The following HFM1 variants were observed in gnomAD, a reference collection of about 807,000 sequenced individuals.
The protein encoded by HFM1 is helicase for meiosis 1.
In HFM1, 169 loss-of-function variants were observed where a neutral mutation model predicts 192.1. The ratio of observed to expected loss-of-function variants is 0.88; its 90% CI spans 0.78 to 1.00. The LOEUF is 1.00. Ranked by LOEUF, HFM1 falls within the 50% of genes least tolerant of loss-of-function variation. HFM1 has a pLI of 0.00. For missense variants in HFM1, 1,661 were observed against 1,668.0 expected, an observed-to-expected ratio of 1.00 and a Z score of 0.07; for synonymous variants, 525 against 537.8, an observed-to-expected ratio of 0.98 and a Z score of 0.33.
intron 4 of HFM1, among the ~76,000 whole-genome samples, chr1:91,389,025 A>G (rs1283226216): frequency 6.6e-6 from 1 of 152,174 alleles, no homozygotes; most frequent in African/African-American, 2.4e-5. Context: ...AATGGCTGAT[A>G]ATCACATGAA....
intron 7 of HFM1, 131 bp from the exon 8 acceptor site, chr1:91,380,367 A>T: frequency 1.8e-6 from 1 of 554,298 alleles, no homozygotes; most frequent in Non-Finnish European, 3.0e-6. Flanking sequence ...AAAGTTATAA[A>T]AATTGTAACT....
intron 30 of HFM1, among the ~76,000 whole-genome samples, chr1:91,294,859 T>C (rs1239242387): frequency 6.6e-6 from 1 of 152,194 alleles, no homozygotes; most frequent in African/African-American, 2.4e-5. Context: ...ATCTGGTATA[T>C]ACCTAGAAGC....
chr1:91,325,572 A>G (rs1376327471), intron 20 of HFM1, among the ~76,000 whole-genome samples: 1 of 152,208 alleles, frequency 6.6e-6, no homozygotes, highest in Non-Finnish European at 1.5e-5. Context: ...TAGGTCTACG[A>G]ATCTGCAAAA....
intron 30 of HFM1, among the ~76,000 whole-genome samples, chr1:91,285,272 T>TCAA (rs1162310164): frequency 1.3e-5 from 2 of 152,198 alleles, no homozygotes; most frequent in East Asian, 3.8e-4. Flanking sequence ...TTTCATTATT[T>TCAA]TATATTCCCT....
intron 13 of HFM1, among the ~76,000 whole-genome samples, chr1:91,372,436 A>G (rs1660353287): frequency 6.6e-6 from 1 of 152,228 alleles, no homozygotes; most frequent in South Asian, 2.1e-4. Flanking sequence ...TGTCCTTTGT[A>G]GGGACATGGA....
chr1:91,273,414 G>C (rs977505699), intron 34 of HFM1, among the ~76,000 whole-genome samples: 18 of 151,976 alleles, frequency 1.2e-4, no homozygotes, highest in African/African-American at 4.3e-4. Flanking sequence ...CATTCAGTAT[G>C]TTAATACTCT....
At chr1:91,377,707 TA>T (rs1661065789) in intron 11 of HFM1, 1 of 310,978 alleles carries the variant, frequency 3.2e-6, no homozygotes, top group African/African-American at 2.2e-5. Flanking sequence ...GCTATACAAT[TA>T]GAGTCAGCTA....
chr1:91,405,316 T>C (rs1664749481), upstream of HFM1, among the ~76,000 whole-genome samples: 1 of 152,218 alleles, frequency 6.6e-6, no homozygotes, highest in African/African-American at 2.4e-5. Context: ...AACATGAATT[T>C]ATAAAAACAG....
chr1:91,347,478 T>C lies in HFM1; in HGVS notation c.2207-2A>G. On this transcript the variant is annotated splice_acceptor_variant, in intron 18 of 38. Coordinates refer to ENST00000370425, the MANE Select transcript of HFM1 (RefSeq NM_001017975.6). LOFTEE classifies it high-confidence loss of function. The stretch of plus-strand genomic sequence containing the variant: ...CTTTGTTCAATCCAGATGCAAAACC[T>C]GCATGTCATGAAAAAGTAAAATAGA... The C allele has an allele frequency of 1.3e-5, 21 of 1,583,116 alleles. No individual in the cohort carries two copies. Among genetic ancestry groups the C allele is most frequent in the Non-Finnish European group, 1.8e-5 (21 of 1,162,368 alleles).
rs529255463 is a variant in HFM1 at position 91,394,695 on chromosome 1, T to C, written c.185-293A>G. Among the ~76,000 whole-genome samples, 17 of 152,192 alleles carry C rather than the reference T, an allele frequency of 1.1e-4. No individual in the cohort carries two copies. In the South Asian group the frequency reaches 3.5e-3, roughly 32 times the overall value. On this transcript the variant is annotated intron_variant, in intron 3 of 38. Transcript: ENST00000370425. ...ATAGATTTAATTTCTTTCTGACCCA[T>C]AACAAATGATATAATTATACAATTA...
chr1:91,370,585 G>A lies in HFM1; in HGVS notation c.1685+4773C>T, dbSNP rs540482359. Among the ~76,000 whole-genome samples, 355 of 152,200 alleles carry A rather than the reference G, an allele frequency of 2.3e-3. 2 individuals are homozygous for A. The Middle Eastern group carries it at 0.024, about 10-fold the overall frequency. ...TCAATAAATTAGGTATTGATTGGAT[G>A]TATCTCAAAATAATAAGAGCTATCT... On this transcript the variant is annotated intron_variant, in intron 13 of 38. Coordinates refer to ENST00000370425, the MANE Select transcript of HFM1 (RefSeq NM_001017975.6).
At chr1:91,291,851 A>C (rs1181479600) in intron 30 of HFM1, among the ~76,000 whole-genome samples, 1 of 152,140 alleles carries the variant, frequency 6.6e-6, no homozygotes, top group Non-Finnish European at 1.5e-5. Flanking sequence ...AAGCTTACCC[A>C]CCATGATCAA....
intron 30 of HFM1, among the ~76,000 whole-genome samples, chr1:91,310,497 C>T (rs1650278522): frequency 6.6e-6 from 1 of 152,174 alleles, no homozygotes; most frequent in Non-Finnish European, 1.5e-5. Context: ...CTTGATCTCC[C>T]CTGACAATGG....
rs116760275 is a variant in HFM1 at position 91,263,620 on chromosome 1, G to C, written c.3975-1028C>G. 5.4e-3 allele frequency among the ~76,000 whole-genome samples: 817 copies of C among 152,154 alleles called. 5 individuals are homozygous for C. Among genetic ancestry groups the C allele is most frequent in the African/African-American group, 0.019 (787 of 41,504 alleles). On this transcript the variant is annotated intron_variant, in intron 36 of 38. Coordinates refer to ENST00000370425, the MANE Select transcript of HFM1 (RefSeq NM_001017975.6). ...TTTAATTACCCAGGCATAGTGGTGTGTATGTACCTGTAGTCCCAGCTACTT... is the reference window on the plus strand; with the variant it reads ...TTTAATTACCCAGGCATAGTGGTGTCTATGTACCTGTAGTCCCAGCTACTT...
intron 38 of HFM1, 178 bp downstream of exon 38, chr1:91,262,063 A>G: frequency 2.6e-6 from 1 of 381,136 alleles, no homozygotes. Context: ...ACTGAGGTAT[A>G]TGATGTTTGA....
rs930111697 is a variant in HFM1 at position 91,380,096 on chromosome 1, A to G, written c.1006+8T>C. The G allele has an allele frequency of 3.9e-6, 5 of 1,290,692 alleles. No homozygotes were observed. The highest frequency in any genetic ancestry group is 5.3e-6 in the Non-Finnish European group (5 of 937,632). The allele number at this position is 1,290,692 out of a possible 1,614,324, so 80.0% of individuals were successfully genotyped here. A position where few individuals can be genotyped will look rare whatever the true frequency, so the allele number is the denominator to read the frequency against. On this transcript the variant is annotated splice_region_variant and intron_variant, in intron 8 of 38. Transcript: ENST00000370425. ...TAATTAGTCATCACTCTTATAATAA[A>G]TACTTACTGTAAACAATTTTAATAT...
In HFM1 at chr1:91,375,558, T is replaced by C; in HGVS notation, c.1565A>G (p.Gln522Arg). The change falls in exon 12 of 39, where the codon CAA (glutamine) becomes CGA (arginine). Residue 522 changes from glutamine to arginine, a missense_variant. Gln to Arg is a conservative substitution (Grantham distance 43, BLOSUM62 1). Transcript: ENST00000370425. ...TGTGGGTTTCTGATCAGAGTACATT[T>C]GTATAACACTGGCAATTTTGTAGTT... ...TLNYKIASVI[Q>R]MYSDQKPTLV... 3.1e-6 allele frequency: 5 copies of C among 1,613,492 alleles called. No homozygotes were observed. Among genetic ancestry groups the C allele is most frequent in the Non-Finnish European group, 4.2e-6 (5 of 1,179,580 alleles).
At position 91,315,835 on chromosome 1, in the gene HFM1, T is replaced by C; in HGVS notation, c.3120A>G (p.Val1040=). ...TLIIGDADNQ[V]VYLHKITDSV... is the part of the protein sequence containing the mutation. ...CTTACGTAATCTTGTGCAGATAAAC[T>C]ACTTGATTATCTGCGTCACCTATGA... The change falls in exon 28 of 39, where the codon GTA becomes GTG. Residue 1040 remains valine, a synonymous_variant. Transcript: ENST00000370425. 6.2e-7 allele frequency: 1 copy of C among 1,609,740 alleles called. No individual in the cohort carries two copies. The highest frequency in any genetic ancestry group is 8.5e-7 in the Non-Finnish European group (1 of 1,177,346).
At chr1:91,270,804 C>T (rs1021090990) in intron 34 of HFM1, among the ~76,000 whole-genome samples, 1 of 152,018 alleles carries the variant, frequency 6.6e-6, no homozygotes, top group Non-Finnish European at 1.5e-5. Flanking sequence ...ATGGCCTGAA[C>T]AAAAACAGCT....
Sources: gnomAD v4.1 joint callset for allele counts (sites outside exome capture counted in the v4.1 genomes callset) on GRCh38, gnomAD v4.1.1 for gene constraint, MANE v1.5 for transcripts, NCBI Gene and HGNC (gene_info 2026-07-23, HGNC 2026-07-21) for gene names.